Variants in CADM2 observed in about 807,000 individuals in gnomAD.
The protein encoded by CADM2 is cell adhesion molecule 2, also known as immunoglobulin superfamily member 4D.
Under a neutral mutation model 49.8 loss-of-function variants are expected in CADM2, and 12 were observed. The observed-to-expected ratio is 0.24, with a 90% CI of 0.15 to 0.39. CADM2 has a LOEUF of 0.39. Ranked by LOEUF, CADM2 falls within the 10% of genes least tolerant of loss-of-function variation. The pLI is 1.00. For missense variants in CADM2, 378 were observed against 492.3 expected (o/e 0.77, Z 2.20); for synonymous variants, 214 against 175.4 (o/e 1.22, Z -1.74).
At chr3:85,983,399 G>A (rs1727700895) in intron 8 of CADM2, among the ~76,000 whole-genome samples, 1 of 151,718 alleles carries the variant, frequency 6.6e-6, no homozygotes, top group African/African-American at 2.4e-5. Context: ...CTTTGGATAT[G>A]AGTTTCAGTT....
intron 1 of CADM2, among the ~76,000 whole-genome samples, chr3:85,608,841 A>G (rs932693921): frequency 1.3e-5 from 2 of 152,048 alleles, no homozygotes; most frequent in Non-Finnish European, 2.9e-5. Context: ...CCCAAATGAG[A>G]GGGAAAAGAA....
Position 86,039,932 on chromosome 3 carries a change from C to T in CADM2, c.971-25673C>T, listed in dbSNP as rs552998986. ...GCAACATTTGCTGTTCACCAATATC[C>T]GCTGGTCTGCAGCCTCTGCTGCTGA... On this transcript the variant is annotated intron_variant, in intron 8 of 9. Coordinates refer to ENST00000383699, the MANE Select transcript of CADM2 (RefSeq NM_001167675.2). Among the ~76,000 whole-genome samples the T allele has an allele frequency of 1.6e-3, 239 of 152,252 alleles. 1 individual carries two copies. The highest frequency in any genetic ancestry group is 3.6e-3 in the Admixed American group (55 of 15,294).
chr3:85,620,774 A>C (rs1343376893), intron 1 of CADM2, among the ~76,000 whole-genome samples: 1 of 152,116 alleles, frequency 6.6e-6, no homozygotes, highest in African/African-American at 2.4e-5. Context: ...AAAAATTCTG[A>C]AGATCATACA....
intron 8 of CADM2, among the ~76,000 whole-genome samples, chr3:86,027,147 T>A (rs1253875451): frequency 6.6e-6 from 1 of 152,180 alleles, no homozygotes; most frequent in Admixed American, 6.5e-5. Flanking sequence ...ATTTGAAAAC[T>A]TTTTTAACTT....
chr3:85,845,193 A>G (rs2074826147), intron 3 of CADM2, among the ~76,000 whole-genome samples: 1 of 151,744 alleles, frequency 6.6e-6, no homozygotes, highest in Admixed American at 6.6e-5. Context: ...AAGAAAAGAA[A>G]AGAAAAACTT....
intron 1 of CADM2, among the ~76,000 whole-genome samples, chr3:85,485,949 G>GTA (rs984397291): frequency 6.6e-6 from 1 of 152,028 alleles, no homozygotes; most frequent in African/African-American, 2.4e-5. Context: ...TTTACATTCA[G>GTA]TATAGTTCAT....
At chr3:84,971,692 A>C (rs2031452773) in intron 1 of CADM2, among the ~76,000 whole-genome samples, 1 of 152,196 alleles carries the variant, frequency 6.6e-6, no homozygotes, top group Non-Finnish European at 1.5e-5. Context: ...TGAAAGATAC[A>C]ACAGCATAAG....
chr3:85,678,154 G>A (rs1422264586), intron 1 of CADM2, among the ~76,000 whole-genome samples: 1 of 152,208 alleles, frequency 6.6e-6, no homozygotes, highest in Non-Finnish European at 1.5e-5. Flanking sequence ...GACTAATGAT[G>A]TTGGGTCAGG....
intron 1 of CADM2, among the ~76,000 whole-genome samples, chr3:85,032,534 T>G (rs2035032078): frequency 6.6e-6 from 1 of 152,186 alleles, no homozygotes; most frequent in South Asian, 2.1e-4. Context: ...AATTTTGAAT[T>G]TAAATATATA....
intron 1 of CADM2, among the ~76,000 whole-genome samples, chr3:85,641,939 T>A (rs1454954771): frequency 6.6e-6 from 1 of 151,156 alleles, no homozygotes; most frequent in Admixed American, 6.6e-5. Context: ...TCAAAAAAAA[T>A]TAAAAAAAAG....
intron 1 of CADM2, among the ~76,000 whole-genome samples, chr3:85,211,864 C>A (rs946537063): frequency 6.6e-6 from 1 of 151,998 alleles, no homozygotes; most frequent in African/African-American, 2.4e-5. Flanking sequence ...TTTTCAAATG[C>A]AGAAAGTGGG....
At chr3:85,292,899 C>T (rs1168271076) in intron 1 of CADM2, among the ~76,000 whole-genome samples, 2 of 151,970 alleles carry the variant, frequency 1.3e-5, no homozygotes, top group Non-Finnish European at 2.9e-5. Flanking sequence ...CAAGAGCAAA[C>T]ACATTCAAAA....
chr3:85,589,147 G>A (rs187410522), intron 1 of CADM2, among the ~76,000 whole-genome samples: 1 of 152,110 alleles, frequency 6.6e-6, no homozygotes, highest in East Asian at 1.9e-4. Context: ...ACATGTTTGT[G>A]TGTGGGGAGG....
At chr3:85,717,477 C>A (rs995361043) in intron 1 of CADM2, among the ~76,000 whole-genome samples, 1 of 152,044 alleles carries the variant, frequency 6.6e-6, no homozygotes, top group Non-Finnish European at 1.5e-5. Context: ...TTTGAATATC[C>A]TTTATTTCTT....
chr3:85,511,608 A>C (rs2040619563), intron 1 of CADM2, among the ~76,000 whole-genome samples: 1 of 152,084 alleles, frequency 6.6e-6, no homozygotes, highest in African/African-American at 2.4e-5. Flanking sequence ...TGACAAAAAT[A>C]GATGTCTTCA....
At chr3:85,557,647 C>G (rs1402335033) in intron 1 of CADM2, among the ~76,000 whole-genome samples, 1 of 151,954 alleles carries the variant, frequency 6.6e-6, no homozygotes, top group East Asian at 1.9e-4. Context: ...CATAGTTTTA[C>G]ACTGTTGTGA....
At chr3:85,573,164 T>G (rs1208294982) in intron 1 of CADM2, among the ~76,000 whole-genome samples, 2 of 32,634 alleles carry the variant, frequency 6.1e-5, no homozygotes, top group African/African-American at 1.7e-4. Context: ...TTATTTTATT[T>G]ATTTATTTAT....
chr3:85,828,929 T>C (rs2074052480), intron 3 of CADM2, among the ~76,000 whole-genome samples: 1 of 151,950 alleles, frequency 6.6e-6, no homozygotes, highest in South Asian at 2.1e-4. Context: ...CTTTCCTACA[T>C]TATCTCTTGA....
intron 1 of CADM2, among the ~76,000 whole-genome samples, chr3:85,722,962 G>T (rs189274007): frequency 9.2e-5 from 14 of 152,152 alleles, no homozygotes; most frequent in Admixed American, 9.2e-4. Flanking sequence ...AATTATATTT[G>T]TACTTTATGA....
Sources: allele counts gnomAD v4.1 joint callset (sites outside exome capture counted in the v4.1 genomes callset), GRCh38; gene constraint gnomAD v4.1.1; transcripts MANE v1.5; gene names NCBI Gene and HGNC (gene_info 2026-07-23, HGNC 2026-07-21).